The following RBBP4 variants were observed in gnomAD, a reference collection of about 807,000 sequenced individuals.
The protein encoded by RBBP4 is RB binding protein 4, chromatin remodeling factor, also known as histone-binding protein RBBP4.
A neutral mutation model predicts 57.2 loss-of-function variants in RBBP4; 3 were observed. That is an observed-to-expected ratio of 0.05 (90% confidence interval 0.02 to 0.14). The LOEUF (loss-of-function observed/expected upper bound fraction) is 0.14, where lower values mean the gene tolerates loss of function less well. Ranked by LOEUF, RBBP4 falls within the 10% of genes least tolerant of loss-of-function variation. The pLI is 1.00. For missense variants in RBBP4, 107 were observed against 520.6 expected (o/e 0.21, Z 7.73); for synonymous variants, 151 against 171.5 (o/e 0.88, Z 0.93).
chr1:32,662,722 G>A (rs986896749), intron 3 of RBBP4, among the ~76,000 whole-genome samples: 1 of 151,896 alleles, frequency 6.6e-6, no homozygotes, highest in African/African-American at 2.4e-5. Flanking sequence ...CGCAGTGGCT[G>A]GCGACTGTAA....
intron 3 of RBBP4, chr1:32,662,286 C>G: frequency 3.7e-6 from 1 of 272,358 alleles, no homozygotes; most frequent in Non-Finnish European, 8.0e-6. Context: ...CCTCCGCCTC[C>G]TGGGTTCAAG....
chr1:32,673,588 C>G (rs565836722), intron 11 of RBBP4: 14 of 301,428 alleles, frequency 4.6e-5, no homozygotes, highest in African/African-American at 2.6e-4. Context: ...TAGGTGCGTA[C>G]CACCATGCCT....
chr1:32,653,617 T>A (rs1647989155), intron 2 of RBBP4, among the ~76,000 whole-genome samples: 1 of 139,374 alleles, frequency 7.2e-6, no homozygotes, highest in Admixed American at 7.2e-5. Context: ...GAAGCTGCTT[T>A]GTGTGTTTTT....
chr1:32,684,895 GTT>G lies in RBBP4; in HGVS notation c.*5194_*5195del, dbSNP rs923837068. On this transcript the variant is annotated 3_prime_UTR_variant, in exon 12 of 12. Transcript: ENST00000373493. ...AAATAAATGGCTTGTTTAAGGAAAA[GTT>G]TTTGTGTCCAAAGCTCCTTAAAGTC... is the stretch of plus-strand genomic sequence containing the variant. 2 of 153,236 alleles carry G rather than the reference GTT, an allele frequency of 1.3e-5. No homozygotes were observed. The highest frequency in any genetic ancestry group is 1.3e-4 in the Admixed American group (2 of 15,428). The allele number at this position is 153,236 out of a possible 1,614,324, so 9.5% of individuals were successfully genotyped here.
At chr1:32,661,954 C>T (rs537481411) in intron 3 of RBBP4, among the ~76,000 whole-genome samples, 7 of 125,182 alleles carry the variant, frequency 5.6e-5, no homozygotes, top group African/African-American at 1.8e-4. Flanking sequence ...GTGGCAATCT[C>T]GGCTCACTGC....
At chr1:32,658,925 A>T (rs934879510) in intron 3 of RBBP4, among the ~76,000 whole-genome samples, 2 of 87,602 alleles carry the variant, frequency 2.3e-5, no homozygotes, top group Non-Finnish European at 4.4e-5. Flanking sequence ...ACACAATATA[A>T]ATGTTATATT....
At chr1:32,665,808 C>T (rs944741169) in intron 3 of RBBP4, among the ~76,000 whole-genome samples, 1 of 152,020 alleles carries the variant, frequency 6.6e-6, no homozygotes, top group Non-Finnish European at 1.5e-5. Flanking sequence ...TGAAGGCCTT[C>T]CCTGAATCAC....
At chr1:32,675,872 C>A (rs1649082652) in intron 11 of RBBP4, among the ~76,000 whole-genome samples, 1 of 152,124 alleles carries the variant, frequency 6.6e-6, no homozygotes, top group African/African-American at 2.4e-5. Context: ...CGGAGGATCA[C>A]TTGAGCCCAG....
At position 32,683,776 on chromosome 1, in the gene RBBP4, G is replaced by A. The variant is rs1649611288; in HGVS notation, c.*4071G>A. 2 of 454,626 alleles carry A rather than the reference G, an allele frequency of 4.4e-6. No individual in the cohort carries two copies. The highest frequency in any genetic ancestry group is 8.0e-6 in the Non-Finnish European group (2 of 248,640). 28.2% of individuals were successfully genotyped at this position (454,626 alleles called of 1,614,324 possible). A position where few individuals can be genotyped will look rare whatever the true frequency, so the allele number is the denominator to read the frequency against. ...GCCTCCTGAGTAGCTGGGATTATAA[G>A]TGCCTGCCACTATGCCCGGCTAATT... On this transcript the variant is annotated 3_prime_UTR_variant, in exon 12 of 12. Coordinates refer to ENST00000373493, the MANE Select transcript of RBBP4 (RefSeq NM_005610.3).
Position 32,653,578 on chromosome 1 carries a change from C to T in RBBP4, c.164+1517C>T, listed in dbSNP as rs866552419. ...GTGTCCTAGGGATGTTACACAAAAC[C>T]ATAGTAAAAACCTAGAAATTGGGAG... is the stretch of plus-strand genomic sequence containing the variant. On this transcript the variant is annotated intron_variant, in intron 2 of 11. Transcript: ENST00000373493. Among the ~76,000 whole-genome samples, 6 of 128,662 alleles carry T rather than the reference C, an allele frequency of 4.7e-5. No individual in the cohort carries two copies. The East Asian group carries it at 6.5e-4, about 14-fold the overall frequency. The allele number at this position is 128,662 out of a possible 152,430, so 84.4% of individuals were successfully genotyped here.
At chr1:32,654,939 C>T (rs1372838721) in intron 2 of RBBP4, among the ~76,000 whole-genome samples, 1 of 152,166 alleles carries the variant, frequency 6.6e-6, no homozygotes, top group Admixed American at 6.5e-5. Flanking sequence ...AGGTAATCCA[C>T]CCGCTTCGGC....
intron 4 of RBBP4, 125 bp downstream of exon 4, chr1:32,668,523 T>G: frequency 8.9e-7 from 1 of 1,123,044 alleles, no homozygotes; most frequent in Non-Finnish European, 1.3e-6. Flanking sequence ...TTGATATGTG[T>G]ATATTTTTCT....
chr1:32,661,870 C>CTTTTTTTTTTTTTTTTTTT (rs71006354), intron 3 of RBBP4, among the ~76,000 whole-genome samples: 2 of 49,308 alleles, frequency 4.1e-5, no homozygotes, highest in Admixed American at 3.2e-4. Context: ...CCTTTGCCCA[C>CTTTTTTTTTTTTTTTTTTT]TTTTTTTTTT....
At position 32,670,258 on chromosome 1, in the gene RBBP4, T is replaced by A. The variant is rs112498786; in HGVS notation, c.966+695T>A. Among the ~76,000 whole-genome samples the A allele has an allele frequency of 5.8e-3, 876 of 152,336 alleles. 11 individuals carry two copies. The highest frequency in any genetic ancestry group is 0.02 in the African/African-American group (829 of 41,570). On this transcript the variant is annotated intron_variant, in intron 8 of 11. Coordinates refer to ENST00000373493, the MANE Select transcript of RBBP4 (RefSeq NM_005610.3). Reference sequence around the variant, plus strand: ...CAGCCTTGTTTCTGACACTTAGTGATCTCTTCCCTTCTTCCAATATATTCT... The same window carrying A: ...CAGCCTTGTTTCTGACACTTAGTGAACTCTTCCCTTCTTCCAATATATTCT...
At chr1:32,672,724 C>T (rs373360051) in intron 10 of RBBP4, 25 bp downstream of exon 10, 3 of 1,609,334 alleles carry the variant, frequency 1.9e-6, no homozygotes, top group Admixed American at 1.7e-5. Context: ...TTGGACAGTA[C>T]TGAAATAGTC....
chr1:32,670,221 T>C (rs563379853), intron 8 of RBBP4, among the ~76,000 whole-genome samples: 1 of 152,218 alleles, frequency 6.6e-6, no homozygotes. Flanking sequence ...AACTAGTGCC[T>C]GATTATTTTT....
At chr1:32,676,198 C>T (rs1329735388) in intron 11 of RBBP4, among the ~76,000 whole-genome samples, 1 of 152,026 alleles carries the variant, frequency 6.6e-6, no homozygotes, top group South Asian at 2.1e-4. Flanking sequence ...GAAAGAAGTA[C>T]GGTTAGGGTT....
At position 32,651,224 on chromosome 1, in the gene RBBP4, G is replaced by T; in HGVS notation, c.-83G>T. 1 of 1,499,198 alleles carries T rather than the reference G, an allele frequency of 6.7e-7. No individual in the cohort carries two copies. Among genetic ancestry groups the T allele is most frequent in the Non-Finnish European group, 8.9e-7 (1 of 1,120,546 alleles). 92.9% of individuals were successfully genotyped at this position (1,499,198 alleles called of 1,614,324 possible). A position where few individuals can be genotyped will look rare whatever the true frequency, so the allele number is the denominator to read the frequency against. On this transcript the variant is annotated 5_prime_UTR_variant, in exon 1 of 12. Transcript: ENST00000373493. ...GGGGGCGCAGGAAACAATAGAGGCC[G>T]CGCGCACAGAGCGAGCTCTTGCAGC... is the stretch of plus-strand genomic sequence containing the variant.
chr1:32,660,256 G>T (rs1648341587), intron 3 of RBBP4, among the ~76,000 whole-genome samples: 1 of 152,068 alleles, frequency 6.6e-6, no homozygotes, highest in African/African-American at 2.4e-5. Flanking sequence ...GAAGCTGTAA[G>T]TTGCTTTTTT....
Sources: gnomAD v4.1 joint callset for allele counts (sites outside exome capture counted in the v4.1 genomes callset) on GRCh38, gnomAD v4.1.1 for gene constraint, MANE v1.5 for transcripts, NCBI Gene and HGNC (gene_info 2026-07-23, HGNC 2026-07-21) for gene names.